Variants in HEATR1 observed in about 807,000 individuals in gnomAD.
HEATR1 encodes the protein HEAT repeat containing 1.
Under a neutral mutation model 248.2 loss-of-function variants are expected in HEATR1, and 77 were observed. The observed-to-expected ratio is 0.31, with a 90% CI of 0.26 to 0.37. The LOEUF (loss-of-function observed/expected upper bound fraction) is 0.37. Among genes scored for constraint, HEATR1 ranks in the 10% least tolerant of loss-of-function variants. HEATR1 has a pLI of 1.00. For synonymous variants in HEATR1, 897 were observed against 923.1 expected (o/e 0.97, Z 0.51); for missense variants, 2,420 against 2,504.9 (o/e 0.97, Z 0.72).
Position 236,595,638 on chromosome 1 carries a change from A to G in HEATR1, c.992T>C (p.Ile331Thr), listed in dbSNP as rs539204282. The G allele has an allele frequency of 2.2e-5, 36 of 1,611,896 alleles. No individual in the cohort carries two copies. In the East Asian group the frequency reaches 7.4e-4, roughly 33 times the overall value. The change falls in exon 8 of 45, where the codon ATT becomes ACT. Residue 331 changes from isoleucine to threonine, a missense_variant. Coordinates refer to ENST00000366582, the MANE Select transcript of HEATR1 (RefSeq NM_018072.6). ...FPHLCNVPDL[I>T]TILHGISETY... ...TTCAGAAATCCCATGAAGTATTGTA[A>G]TAAGATCAGGAACATTACATAAGTG...
intron 4 of HEATR1, 50 bp from the exon 5 acceptor site, chr1:236,598,029 C>T: frequency 8.3e-7 from 1 of 1,205,144 alleles, no homozygotes; most frequent in Admixed American, 1.8e-5. Flanking sequence ...TCAACTGATC[C>T]TTATTTTAAA....
chr1:236,590,195 A>T (rs187257588), intron 12 of HEATR1, among the ~76,000 whole-genome samples: 2 of 152,302 alleles, frequency 1.3e-5, no homozygotes, highest in African/African-American at 2.4e-5. Flanking sequence ...GTCCCAAAAT[A>T]TGTCTTCATC....
chr1:236,576,746 G>T, intron 21 of HEATR1, 34 bp downstream of exon 21: 1 of 1,585,488 alleles, frequency 6.3e-7, no homozygotes, highest in Admixed American at 1.7e-5. Context: ...ACAGAGGCAT[G>T]AACACACTCA....
Position 236,566,431 on chromosome 1 carries a change from T to TTAG in HEATR1, c.4308+214_4308+215insCTA, listed in dbSNP as rs745929749. On this transcript the variant is annotated intron_variant, in intron 30 of 44. Coordinates refer to ENST00000366582, the MANE Select transcript of HEATR1 (RefSeq NM_018072.6). ...GTTTCTCAGAAAAGTTAATTCGCCT[T>TTAG]CAGATGTTTTGCTGCAACTGAGGAT... 7.5e-3 allele frequency among the ~76,000 whole-genome samples: 571 copies of TTAG among 75,698 alleles called. 4 individuals are homozygous for TTAG. The highest frequency in any genetic ancestry group is 0.014 in the Non-Finnish European group (453 of 31,678). The allele number at this position is 75,698 out of a possible 152,430, so 49.7% of individuals were successfully genotyped here.
chr1:236,551,035 C>T (rs2254487), intron 44 of HEATR1, 45 bp from the exon 45 acceptor site: 871,618 of 1,413,742 alleles, frequency 0.62, 277,363 homozygotes, highest in Non-Finnish European at 0.66. Flanking sequence ...TGAGTCAGTC[C>T]GCCTGCCTCG....
In HEATR1 at chr1:236,595,667, G is replaced by GAAT. The variant is rs769024870; in HGVS notation, c.960_962dup (p.Pro320_Phe321insLeu). On this transcript the variant is annotated inframe_insertion, in exon 8 of 45. Transcript: ENST00000366582. ...GATCAGGAACATTACATAAGTGAGG[G>GAAT]AATGGCCTTTGAAGAAGCAAAAGTA... 1.1e-5 allele frequency: 17 copies of GAAT among 1,610,930 alleles called. No individual in the cohort carries two copies. The South Asian group carries it at 1.8e-4, about 17-fold the overall frequency.
At chr1:236,597,825 C>T (rs763055775) in intron 5 of HEATR1, 53 bp downstream of exon 5, 34 of 1,168,642 alleles carry the variant, frequency 2.9e-5, no homozygotes, top group Non-Finnish European at 4.2e-5. Flanking sequence ...TTTCTTCATT[C>T]AAAGCAAGCA....
intron 5 of HEATR1, 33 bp downstream of exon 5, chr1:236,597,845 T>A: frequency 7.2e-7 from 1 of 1,384,498 alleles, no homozygotes; most frequent in Non-Finnish European, 1.0e-6. Flanking sequence ...AATCTTTTCA[T>A]AAAATTATAT....
chr1:236,587,412 T>A lies in HEATR1; in HGVS notation c.1705A>T (p.Asn569Tyr), dbSNP rs1663924095. ...NLFQRAELSK[N>Y]GEWYEVLKIA... ...GAAATGAATACATACCATTCTCCAT[T>A]CTTTGAAAGTTCTGCTCTTTGAAAG... Residue 569 changes from asparagine (N) to tyrosine (Y), a missense_variant, in exon 14 of 45, where the codon AAT becomes TAT. Transcript: ENST00000366582. The A allele has an allele frequency of 6.7e-7, 1 of 1,503,724 alleles. No individual in the cohort carries two copies. The allele number at this position is 1,503,724 out of a possible 1,614,324, so 93.1% of individuals were successfully genotyped here.
chr1:236,582,568 A>C (rs1395233326), intron 19 of HEATR1, among the ~76,000 whole-genome samples, 168 bp downstream of exon 19: 1 of 151,642 alleles, frequency 6.6e-6, no homozygotes, highest in Admixed American at 6.6e-5. Flanking sequence ...ATGCCTGGCT[A>C]ATTTTTGTAT....
chr1:236,561,630 T>C (rs1204037862), intron 32 of HEATR1, among the ~76,000 whole-genome samples: 1 of 152,182 alleles, frequency 6.6e-6, no homozygotes, highest in East Asian at 1.9e-4. Flanking sequence ...CCCCAAGTAC[T>C]GCTCCTTGGT....
intron 35 of HEATR1, 80 bp downstream of exon 35, chr1:236,558,915 A>C: frequency 1.4e-5 from 16 of 1,182,114 alleles, no homozygotes; most frequent in Non-Finnish European, 1.9e-5. Flanking sequence ...TTGTACCACT[A>C]GAGAAATTGA....
intron 24 of HEATR1, 28 bp from the exon 25 acceptor site, chr1:236,572,856 T>C: frequency 1.3e-6 from 2 of 1,569,150 alleles, no homozygotes; most frequent in Non-Finnish European, 1.8e-6. Context: ...GAAGAGTTGA[T>C]GATATAATCC....
intron 44 of HEATR1, 45 bp from the exon 45 acceptor site, chr1:236,551,035 C>A (rs2254487): frequency 9.2e-6 from 13 of 1,417,498 alleles, no homozygotes; most frequent in African/African-American, 1.5e-5. Context: ...TGAGTCAGTC[C>A]GCCTGCCTCG....
At chr1:236,575,189 A>G (rs560617320) in intron 22 of HEATR1, among the ~76,000 whole-genome samples, 12 of 152,334 alleles carry the variant, frequency 7.9e-5, no homozygotes, top group African/African-American at 2.9e-4. Flanking sequence ...AACACAAACT[A>G]AAACTTTAGA....
rs538486882 is a variant in HEATR1 at position 236,586,046 on chromosome 1, T to C, written c.1928-105A>G. The C allele has an allele frequency of 2.1e-6, 3 of 1,445,926 alleles. No individual in the cohort carries two copies. In the East Asian group the frequency reaches 7.0e-5, roughly 34 times the overall value. The allele number at this position is 1,445,926 out of a possible 1,614,324, so 89.6% of individuals were successfully genotyped here. ...TTACTATTGTTTATGAAGGTTTGCT[T>C]TCTATTTTTCCTTGTATCCGATTCT... On this transcript the variant is annotated intron_variant, in intron 15 of 44. Transcript: ENST00000366582.
intron 12 of HEATR1, among the ~76,000 whole-genome samples, chr1:236,590,393 A>G (rs1035461400): frequency 6.6e-6 from 1 of 152,054 alleles, no homozygotes; most frequent in South Asian, 2.1e-4. Context: ...AACTTGGCTA[A>G]TTTTTTATTT....
In HEATR1 at chr1:236,566,875, G is replaced by C. The variant is rs1304042244; in HGVS notation, c.4079C>G (p.Ser1360Cys). The change falls in exon 30 of 45, where the codon TCT becomes TGT. Residue 1360 changes from serine to cysteine, a missense_variant and splice_region_variant. Ser to Cys is a moderately radical substitution (Grantham distance 112). Coordinates refer to ENST00000366582, the MANE Select transcript of HEATR1 (RefSeq NM_018072.6). ...VKMVIPALIQ[S>C]DSGDSIEVSR... ...AACTTCTATAGAATCTCCACTATCA[G>C]ACTGCAAAACAGCAAGCAGAGACAA... 3.7e-6 allele frequency: 6 copies of C among 1,606,054 alleles called. No individual in the cohort carries two copies. Among genetic ancestry groups the C allele is most frequent in the Non-Finnish European group, 5.1e-6 (6 of 1,172,996 alleles).
chr1:236,554,727 A>G lies in HEATR1; in HGVS notation c.5949T>C (p.Asn1983=), dbSNP rs1662900281. Residue 1983 remains asparagine, a synonymous_variant, in exon 42 of 45, where the codon AAT becomes AAC. Coordinates refer to ENST00000366582, the MANE Select transcript of HEATR1 (RefSeq NM_018072.6). Reference sequence around the variant, plus strand: ...ACAGCAAGCAGCACTTTTCAGGGTCATTTTCAGAGTCAAAAAATGCTTCAT... The same window carrying G: ...ACAGCAAGCAGCACTTTTCAGGGTCGTTTTCAGAGTCAAAAAATGCTTCAT... The part of the protein sequence containing the change: ...KTDEAFFDSE[N]DPEKCCLLLQ... The G allele has an allele frequency of 6.2e-7, 1 of 1,611,396 alleles. No individual in the cohort carries two copies. Among genetic ancestry groups the G allele is most frequent in the Non-Finnish European group, 8.5e-7 (1 of 1,179,380 alleles).
Sources: gnomAD v4.1 joint callset for allele counts (sites outside exome capture counted in the v4.1 genomes callset) on GRCh38, gnomAD v4.1.1 for gene constraint, MANE v1.5 for transcripts, NCBI Gene and HGNC (gene_info 2026-07-23, HGNC 2026-07-21) for gene names.